Variants in GRAMD2B observed in about 807,000 individuals in gnomAD.
GRAMD2B encodes GRAM domain containing 2B.
In GRAMD2B, 41 loss-of-function variants were observed where a neutral mutation model predicts 59.2. The ratio of observed to expected loss-of-function variants is 0.69; its 90% CI spans 0.54 to 0.90. The LOEUF (loss-of-function observed/expected upper bound fraction) is 0.90, where lower values mean the gene tolerates loss of function less well. Ranked by LOEUF, GRAMD2B falls within the 40% of genes least tolerant of loss-of-function variation. GRAMD2B has a pLI of 0.00. For missense variants in GRAMD2B, 424 were observed against 500.5 expected, an observed-to-expected ratio of 0.85 and a Z score of 1.46; for synonymous variants, 161 against 182.7, an observed-to-expected ratio of 0.88 and a Z score of 0.96.
At chr5:126,376,644 C>T (rs1201729419) in intron 1 of GRAMD2B, among the ~76,000 whole-genome samples, 2 of 152,150 alleles carry the variant, frequency 1.3e-5, no homozygotes, top group African/African-American at 2.4e-5. Flanking sequence ...ATGGGCTCAG[C>T]GCCTGTTCAC....
chr5:126,451,348 T>C (rs1257860877), intron 1 of GRAMD2B, among the ~76,000 whole-genome samples: 1 of 152,252 alleles, frequency 6.6e-6, no homozygotes, highest in Non-Finnish European at 1.5e-5. Context: ...TTCACAGTTC[T>C]GCAGGCTATA....
chr5:126,411,752 A>ATTTG (rs1758809344), intron 1 of GRAMD2B, among the ~76,000 whole-genome samples: 1 of 150,862 alleles, frequency 6.6e-6, no homozygotes, highest in Admixed American at 6.6e-5. Context: ...GTGTTTTTCC[A>ATTTG]TTTGTTTGTG....
chr5:126,467,245 C>T (rs1372492157), intron 2 of GRAMD2B, among the ~76,000 whole-genome samples: 1 of 151,982 alleles, frequency 6.6e-6, no homozygotes, highest in East Asian at 1.9e-4. Flanking sequence ...ACTCCAGCCT[C>T]AGCAACAGAG....
At chr5:126,444,987 G>A (rs779408390) in intron 1 of GRAMD2B, among the ~76,000 whole-genome samples, 1 of 152,164 alleles carries the variant, frequency 6.6e-6, no homozygotes, top group Non-Finnish European at 1.5e-5. Flanking sequence ...CGAGAATGAT[G>A]GCTTCCAGCT....
At chr5:126,448,208 C>T (rs1036751674) in intron 1 of GRAMD2B, among the ~76,000 whole-genome samples, 9 of 152,104 alleles carry the variant, frequency 5.9e-5, no homozygotes, top group African/African-American at 2.2e-4. Flanking sequence ...GTTGCCATGA[C>T]AGTCACAGGG....
chr5:126,464,633 G>A (rs929784565), intron 1 of GRAMD2B, among the ~76,000 whole-genome samples: 5 of 152,036 alleles, frequency 3.3e-5, no homozygotes, highest in African/African-American at 9.7e-5. Flanking sequence ...TTTTTCCAAC[G>A]CCTATTGATC....
chr5:126,421,343 A>C (rs925211518), upstream of GRAMD2B, among the ~76,000 whole-genome samples: 2 of 152,224 alleles, frequency 1.3e-5, no homozygotes, highest in Non-Finnish European at 2.9e-5. Flanking sequence ...CTGAGATCTG[A>C]GAGTCCTCAT....
At chr5:126,436,012 A>T (rs1356503586) in intron 1 of GRAMD2B, among the ~76,000 whole-genome samples, 1 of 152,176 alleles carries the variant, frequency 6.6e-6, no homozygotes. Context: ...AACATAATTT[A>T]AACCTATAAT....
At chr5:126,489,732 T>C (rs1718846002) in intron 13 of GRAMD2B, among the ~76,000 whole-genome samples, 1 of 152,224 alleles carries the variant, frequency 6.6e-6, no homozygotes. Context: ...GATTTACATG[T>C]CTTATTTTCT....
intron 2 of GRAMD2B, chr5:126,466,318 G>A (rs920930246): frequency 5.5e-6 from 8 of 1,444,478 alleles, no homozygotes; most frequent in African/African-American, 2.8e-5. Context: ...CCAAATCTAT[G>A]CTTCATTCAG....
At chr5:126,375,797 G>T (rs1432399689) in intron 1 of GRAMD2B, among the ~76,000 whole-genome samples, 2 of 152,128 alleles carry the variant, frequency 1.3e-5, no homozygotes, top group Admixed American at 6.5e-5. Context: ...TAATATTTCA[G>T]GATTTATCAG....
chr5:126,439,862 A>G (rs1763007070), intron 1 of GRAMD2B, among the ~76,000 whole-genome samples: 1 of 152,040 alleles, frequency 6.6e-6, no homozygotes, highest in Non-Finnish European at 1.5e-5. Context: ...CATGGTAGTG[A>G]ATAAGTCTCA....
chr5:126,371,696 A>C (rs902539226), intron 1 of GRAMD2B: 2 of 803,660 alleles, frequency 2.5e-6, no homozygotes, highest in Admixed American at 8.5e-5. Context: ...GAGAAGGTGC[A>C]GCCTAGGCAT....
In GRAMD2B at chr5:126,485,916, C is replaced by G. The variant is rs6893804; in HGVS notation, c.1058+143C>G. ...TCTTTACTTTGACAATTTCTGTCTC[C>G]TACTTCAGGTTTTTTTCCTTAGGCT... On this transcript the variant is annotated intron_variant, in intron 11 of 13. Transcript: ENST00000285689. The G allele has an allele frequency of 3.2e-3, 1,858 of 577,780 alleles. 43 individuals carry two copies. In the African/African-American group the frequency reaches 0.033, roughly 10 times the overall value. 35.8% of individuals were successfully genotyped at this position (577,780 alleles called of 1,614,324 possible).
chr5:126,446,781 G>A (rs1235045659), intron 1 of GRAMD2B, among the ~76,000 whole-genome samples: 2 of 152,068 alleles, frequency 1.3e-5, no homozygotes, highest in East Asian at 1.9e-4. Context: ...TTATGAAGAT[G>A]CCACTCCCAG....
intron 3 of GRAMD2B, among the ~76,000 whole-genome samples, chr5:126,471,366 C>T (rs963644767): frequency 6.6e-6 from 1 of 152,230 alleles, no homozygotes; most frequent in Admixed American, 6.5e-5. Context: ...CATGCCACCA[C>T]ATCCAGCTAA....
chr5:126,375,864 T>C (rs1755142586), intron 1 of GRAMD2B, among the ~76,000 whole-genome samples: 1 of 152,242 alleles, frequency 6.6e-6, no homozygotes, highest in South Asian at 2.1e-4. Flanking sequence ...GTTGTTAAAG[T>C]TATTCAGTGC....
At chr5:126,398,559 A>G (rs1208727880) in intron 1 of GRAMD2B, among the ~76,000 whole-genome samples, 2 of 152,026 alleles carry the variant, frequency 1.3e-5, no homozygotes, top group Non-Finnish European at 2.9e-5. Context: ...TTAAAAAACC[A>G]ACTCTTAGTT....
intron 8 of GRAMD2B, among the ~76,000 whole-genome samples, 163 bp from the exon 9 acceptor site, chr5:126,483,300 G>A (rs575718222): frequency 6.6e-6 from 1 of 152,304 alleles, no homozygotes; most frequent in East Asian, 1.9e-4. Context: ...TCAGTAACCA[G>A]ATACTCAGTC....
Sources: gnomAD v4.1 joint callset for allele counts (sites outside exome capture counted in the v4.1 genomes callset) on GRCh38, gnomAD v4.1.1 for gene constraint, MANE v1.5 for transcripts, NCBI Gene and HGNC (gene_info 2026-07-23, HGNC 2026-07-21) for gene names.